The following CDH2 variants were observed in gnomAD, a reference collection of about 807,000 sequenced individuals.
CDH2 encodes the protein cadherin-2.
A neutral mutation model predicts 92.0 loss-of-function variants in CDH2; 17 were observed. That is an observed-to-expected ratio of 0.18 (90% CI 0.13 to 0.28). The LOEUF is 0.28. Among genes scored for constraint, CDH2 ranks in the 10% least tolerant of loss-of-function variants. CDH2 has a pLI of 1.00. For missense variants in CDH2, 862 were observed against 1,133.1 expected (o/e 0.76, Z 3.44); for synonymous variants, 419 against 415.9 (o/e 1.01, Z -0.09).
At chr18:27,991,658 C>T (rs2012419956) in intron 9 of CDH2, among the ~76,000 whole-genome samples, 1 of 152,138 alleles carries the variant, frequency 6.6e-6, no homozygotes, top group Admixed American at 6.5e-5. Flanking sequence ...AAATAGTTGG[C>T]CATGATCACA....
chr18:28,024,160 T>G (rs1012790058), intron 2 of CDH2, among the ~76,000 whole-genome samples: 1 of 152,186 alleles, frequency 6.6e-6, no homozygotes, highest in Non-Finnish European at 1.5e-5. Context: ...GCAAGTAGCT[T>G]CACTTCATCA....
intron 15 of CDH2, among the ~76,000 whole-genome samples, chr18:27,961,855 A>G (rs1189464505): frequency 6.6e-6 from 1 of 152,000 alleles, no homozygotes; most frequent in Non-Finnish European, 1.5e-5. Context: ...ATCCCAGCAC[A>G]TTGGGAGTCT....
At chr18:28,011,801 C>A (rs777067753) in intron 4 of CDH2, 45 bp downstream of exon 4, 1 of 1,566,486 alleles carries the variant, frequency 6.4e-7, no homozygotes, top group African/African-American at 1.4e-5. Flanking sequence ...TTTTAACATA[C>A]ATTTGTCTTG....
chr18:28,152,936 G>A (rs1007125750), intron 1 of CDH2, among the ~76,000 whole-genome samples: 4 of 152,170 alleles, frequency 2.6e-5, no homozygotes, highest in South Asian at 4.1e-4. Flanking sequence ...CTCACTGGGG[G>A]AGGGAGGGAG....
At chr18:28,153,469 T>C (rs1220590035) in intron 1 of CDH2, among the ~76,000 whole-genome samples, 1 of 152,246 alleles carries the variant, frequency 6.6e-6, no homozygotes, top group Non-Finnish European at 1.5e-5. Context: ...TTCATGTAGA[T>C]GCTACTTAGA....
At chr18:28,036,342 T>A (rs1226389635) in intron 2 of CDH2, 1 of 654,094 alleles carries the variant, frequency 1.5e-6, no homozygotes, top group African/African-American at 1.8e-5. Flanking sequence ...GAAATTCACA[T>A]AAGCATTAAA....
chr18:27,995,102 G>A (rs970523880), intron 7 of CDH2, among the ~76,000 whole-genome samples: 2 of 151,906 alleles, frequency 1.3e-5, no homozygotes, highest in African/African-American at 4.8e-5. Context: ...CATGAGGTCA[G>A]GAGTTCAAGA....
chr18:28,082,434 C>CTT (rs1213429394), intron 2 of CDH2, among the ~76,000 whole-genome samples: 1 of 152,062 alleles, frequency 6.6e-6, no homozygotes, highest in Non-Finnish European at 1.5e-5. Context: ...GAACATAATA[C>CTT]TTATAGGCAT....
At chr18:28,013,534 C>T (rs2013155197) in intron 3 of CDH2, 149 bp downstream of exon 3, 2 of 643,644 alleles carry the variant, frequency 3.1e-6, no homozygotes, top group Admixed American at 2.6e-5. Flanking sequence ...AGATTACAAA[C>T]ACAACAAAAT....
At chr18:28,003,228 AGAAGG>A in intron 6 of CDH2, 59 bp from the exon 7 acceptor site, 1 of 1,310,090 alleles carries the variant, frequency 7.6e-7, no homozygotes, top group Non-Finnish European at 1.1e-6. Flanking sequence ...ACCCCAAAAT[AGAAGG>A]TATATTTATT....
intron 1 of CDH2, among the ~76,000 whole-genome samples, chr18:28,176,403 A>C (rs2016542292): frequency 6.6e-6 from 1 of 152,078 alleles, no homozygotes; most frequent in African/African-American, 2.4e-5. Context: ...AGAGAAGAAG[A>C]AAAGGAGGCA....
intron 1 of CDH2, among the ~76,000 whole-genome samples, chr18:28,174,056 G>C (rs2016501454): frequency 2.0e-5 from 3 of 151,930 alleles, no homozygotes; most frequent in Admixed American, 2.0e-4. Flanking sequence ...TACATAACAA[G>C]ACTAACTAAA....
intron 4 of CDH2, among the ~76,000 whole-genome samples, chr18:28,011,588 G>C (rs2013101044): frequency 6.6e-6 from 1 of 152,146 alleles, no homozygotes; most frequent in African/African-American, 2.4e-5. Context: ...TTTAGGGCTT[G>C]TGTAGTCACA....
At chr18:27,993,440 C>G (rs1456037530) in intron 8 of CDH2, 60 bp downstream of exon 8, 1 of 1,547,566 alleles carries the variant, frequency 6.5e-7, no homozygotes, top group African/African-American at 1.4e-5. Context: ...TTATTCATGA[C>G]CAACCTTCTC....
In CDH2 at chr18:28,013,722, T is replaced by C. The variant is rs761793449; in HGVS notation, c.360A>G (p.Lys120=). 3 of 1,613,978 alleles carry C rather than the reference T, an allele frequency of 1.9e-6. No individual in the cohort carries two copies. The East Asian group carries it at 6.7e-5, about 36-fold the overall frequency. Residue 120 remains lysine, a synonymous_variant, in exon 3 of 16, where the codon AAA becomes AAG. Transcript: ENST00000269141. ...ETQEKWQVAV[K]LSLKPTLTEE... is the part of the protein sequence containing the mutation. Reference sequence around the variant, plus strand: ...CAGTTAAGGTTGGCTTCAGGCTCAATTTTACTGCCACTTGCCACTTTTCCT... The same window carrying C: ...CAGTTAAGGTTGGCTTCAGGCTCAACTTTACTGCCACTTGCCACTTTTCCT...
At chr18:27,967,316 T>A (rs1252318070) in intron 14 of CDH2, among the ~76,000 whole-genome samples, 3 of 152,212 alleles carry the variant, frequency 2.0e-5, no homozygotes, top group Non-Finnish European at 4.4e-5. Context: ...AGTCCTGAAC[T>A]GAGAGTCTAA....
intron 1 of CDH2, among the ~76,000 whole-genome samples, chr18:28,148,167 A>G (rs1224290838): frequency 6.6e-6 from 1 of 152,202 alleles, no homozygotes; most frequent in African/African-American, 2.4e-5. Context: ...TGAAAAATGT[A>G]TACATTCAAG....
intron 2 of CDH2, among the ~76,000 whole-genome samples, chr18:28,102,109 G>C (rs2015236700): frequency 6.6e-6 from 1 of 152,118 alleles, no homozygotes; most frequent in African/African-American, 2.4e-5. Context: ...TTGTCTCCTA[G>C]AAATTTGCCT....
chr18:27,986,835 G>A lies in CDH2; in HGVS notation c.1742-1074C>T, dbSNP rs1465016800. On this transcript the variant is annotated intron_variant, in intron 11 of 15. Coordinates refer to ENST00000269141, the MANE Select transcript of CDH2 (RefSeq NM_001792.5). Reference sequence around the variant, plus strand: ...ACCACTATGATACTCAACAGTTTGAGGGACTTCGAAATTTACTATCACATT... The same window carrying A: ...ACCACTATGATACTCAACAGTTTGAAGGACTTCGAAATTTACTATCACATT... Among the ~76,000 whole-genome samples, 3 of 152,076 alleles carry A rather than the reference G, an allele frequency of 2.0e-5. No individual in the cohort carries two copies. In the East Asian group the frequency reaches 5.8e-4, roughly 29 times the overall value.
Sources: allele counts gnomAD v4.1 joint callset (sites outside exome capture counted in the v4.1 genomes callset), GRCh38; gene constraint gnomAD v4.1.1; transcripts MANE v1.5; gene names NCBI Gene and HGNC (gene_info 2026-07-23, HGNC 2026-07-21).